ARFGEF3: variants seen among roughly 807,000 people sequenced by gnomAD.
The protein encoded by ARFGEF3 is ARFGEF family member 3.
ARFGEF3 carries 96 observed loss-of-function variants against 221.7 expected under a neutral mutation model. The observed-to-expected ratio is 0.43, with a 90% CI of 0.37 to 0.51. The LOEUF is 0.51. Ranked by LOEUF, ARFGEF3 falls within the 20% of genes least tolerant of loss-of-function variation. The pLI is 0.00. For synonymous variants in ARFGEF3, 1,145 were observed against 1,126.8 expected (o/e 1.02, Z -0.32); for missense variants, 2,410 against 2,789.9 (o/e 0.86, Z 3.07).
chr6:138,321,170 G>C lies in ARFGEF3; in HGVS notation c.4711G>C (p.Ala1571Pro). Residue 1571 changes from alanine to proline, a missense_variant, in exon 29 of 34, where the codon GCC becomes CCC. Physicochemically the swap from Ala to Pro is conservative, Grantham distance 27 (BLOSUM62 -1). Transcript: ENST00000251691. ...GAAGGACCTCTTTGAGTTGCTGGTC[G>C]CCTGTGTGGCCAAGCCCACTGAAAC... ...MLKDLFELLV[A>P]CVAKPTETIS... 1 of 1,564,020 alleles carries C rather than the reference G, an allele frequency of 6.4e-7. No individual in the cohort carries two copies. The highest frequency in any genetic ancestry group is 8.7e-7 in the Non-Finnish European group (1 of 1,152,826).
chr6:138,216,937 GT>G (rs1239170294), intron 4 of ARFGEF3: 1 of 152,218 alleles, frequency 6.6e-6, no homozygotes, highest in African/African-American at 2.4e-5. Flanking sequence ...ATAAGGTTGA[GT>G]GATGAGAATC....
intron 14 of ARFGEF3, among the ~76,000 whole-genome samples, chr6:138,283,735 C>A (rs1436857761): frequency 2.0e-5 from 3 of 152,182 alleles, no homozygotes; most frequent in Non-Finnish European, 4.4e-5. Context: ...ATTCATCAGA[C>A]CTTTACCTAG....
intron 17 of ARFGEF3, among the ~76,000 whole-genome samples, chr6:138,289,239 C>G (rs1465138228): frequency 6.6e-6 from 1 of 152,218 alleles, no homozygotes; most frequent in Non-Finnish European, 1.5e-5. Flanking sequence ...AGATGTGAGC[C>G]ACCACACCCA....
rs766920688 is a variant in ARFGEF3 at position 138,343,098 on chromosome 6, G to A, written c.*6612G>A. ...GTGAAATCATGTTAACTCATATAGA[G>A]GGGGCCTTAGTTTATCTCTTCTTTA... On this transcript the variant is annotated 3_prime_UTR_variant, in exon 34 of 34. Coordinates refer to ENST00000251691, the MANE Select transcript of ARFGEF3 (RefSeq NM_020340.5). 6.6e-6 allele frequency: 1 copy of A among 152,064 alleles called. No individual in the cohort carries two copies. The highest frequency in any genetic ancestry group is 2.4e-5 in the African/African-American group (1 of 41,410). 9.4% of individuals were successfully genotyped at this position (152,064 alleles called of 1,614,324 possible).
chr6:138,318,826 C>T (rs1342474193), intron 27 of ARFGEF3, among the ~76,000 whole-genome samples: 1 of 151,818 alleles, frequency 6.6e-6, no homozygotes, highest in Non-Finnish European at 1.5e-5. Flanking sequence ...GTCTATAAAA[C>T]AAAAAAATTA....
intron 10 of ARFGEF3, among the ~76,000 whole-genome samples, chr6:138,258,122 G>A (rs184620773): frequency 2.0e-5 from 3 of 152,200 alleles, no homozygotes; most frequent in Non-Finnish European, 2.9e-5. Context: ...CATCAAGGCC[G>A]AGTTACTGTG....
intron 20 of ARFGEF3, among the ~76,000 whole-genome samples, chr6:138,294,426 G>A (rs985800247): frequency 5.9e-5 from 9 of 152,196 alleles, no homozygotes; most frequent in African/African-American, 2.2e-4. Flanking sequence ...TCCTTAGGGT[G>A]CAGATAGCTT....
Position 138,319,609 on chromosome 6 carries a change from T to C in ARFGEF3, c.4475-94T>C, listed in dbSNP as rs532616098. The stretch of plus-strand genomic sequence containing the variant: ...TTTCCCTGCACTTTCTCAGCAAATG[T>C]AGGGATCCTTCCAAAGAGATCAACA... On this transcript the variant is annotated intron_variant, in intron 27 of 33. Coordinates refer to ENST00000251691, the MANE Select transcript of ARFGEF3 (RefSeq NM_020340.5). 2.5e-5 allele frequency: 21 copies of C among 835,586 alleles called. No individual in the cohort carries two copies. The South Asian group carries it at 3.8e-4, about 15-fold the overall frequency. 51.8% of individuals were successfully genotyped at this position (835,586 alleles called of 1,614,324 possible).
chr6:138,334,484 T>C lies in ARFGEF3; in HGVS notation c.5638T>C (p.Trp1880Arg). Reference sequence around the variant, plus strand: ...CCCGAGAGGCAAGGAGAAGAGACAGTGGCGGGCACGGATGCCCTTGCTCAG... The same window carrying C: ...CCCGAGAGGCAAGGAGAAGAGACAGCGGCGGGCACGGATGCCCTTGCTCAG... ...SPPRGKEKRQ[W>R]RARMPLLSVQ... The change falls in exon 33 of 34, where the codon TGG becomes CGG. Residue 1880 changes from tryptophan (W) to arginine (R), a missense_variant. Around this residue, in one of 5 missense-constraint regions of ARFGEF3, gnomAD observed 723 missense variants for 991.9 expected, o/e 0.73. Coordinates refer to ENST00000251691, the MANE Select transcript of ARFGEF3 (RefSeq NM_020340.5). The surrounding 1 kb of genome is among the most constrained non-coding windows in gnomAD (Gnocchi z 5.1). 6.3e-7 allele frequency: 1 copy of C among 1,598,040 alleles called. No individual in the cohort carries two copies. Among genetic ancestry groups the C allele is most frequent in the Non-Finnish European group, 8.5e-7 (1 of 1,172,380 alleles).
Position 138,321,249 on chromosome 6 carries a change from T to C in ARFGEF3, c.4766+24T>C, listed in dbSNP as rs369280392. Reference sequence around the variant, plus strand: ...AGGTGAGGAAATGCTTTCCTGACTCTCCACAAAGCTGGAGTTTTTATTTAA... The same window carrying C: ...AGGTGAGGAAATGCTTTCCTGACTCCCCACAAAGCTGGAGTTTTTATTTAA... On this transcript the variant is annotated intron_variant, in intron 29 of 33. Coordinates refer to ENST00000251691, the MANE Select transcript of ARFGEF3 (RefSeq NM_020340.5). The C allele has an allele frequency of 6.6e-4, 811 of 1,222,912 alleles. 1 individual carries two copies. Among genetic ancestry groups the C allele is most frequent in the Non-Finnish European group, 8.6e-4 (750 of 871,452 alleles). The allele number at this position is 1,222,912 out of a possible 1,614,324, so 75.8% of individuals were successfully genotyped here. A position where few individuals can be genotyped will look rare whatever the true frequency, so the allele number is the denominator to read the frequency against.
chr6:138,204,760 A>G (rs533990744), intron 2 of ARFGEF3, among the ~76,000 whole-genome samples: 11 of 152,212 alleles, frequency 7.2e-5, no homozygotes, highest in Non-Finnish European at 1.5e-4. Context: ...TAGTATTTCA[A>G]TTGAGACTGC....
At chr6:138,298,562 GTC>G in intron 21 of ARFGEF3, 42 bp from the exon 22 acceptor site, 1 of 1,538,852 alleles carries the variant, frequency 6.5e-7, no homozygotes, top group African/African-American at 1.4e-5. Context: ...CATTCTCACT[GTC>G]TGCTGTCCTG....
chr6:138,176,532 G>A (rs891062755), intron 2 of ARFGEF3, among the ~76,000 whole-genome samples: 1 of 152,124 alleles, frequency 6.6e-6, no homozygotes, highest in Non-Finnish European at 1.5e-5. Context: ...TTTAAGTGGA[G>A]CATTTAATGC....
rs776346526 is a variant in ARFGEF3, at chr6:138,344,323, C to T, written c.*7837C>T. 12 of 152,128 alleles carry T rather than the reference C, an allele frequency of 7.9e-5. No homozygotes were observed. Among genetic ancestry groups the T allele is most frequent in the Non-Finnish European group, 1.8e-4 (12 of 68,016 alleles). The allele number at this position is 152,128 out of a possible 1,614,324, so 9.4% of individuals were successfully genotyped here. On this transcript the variant is annotated 3_prime_UTR_variant, in exon 34 of 34. Coordinates refer to ENST00000251691, the MANE Select transcript of ARFGEF3 (RefSeq NM_020340.5). ...GGAGCCTTGAAGCATTTTGTTTACT[C>T]CAAAGGCCTTGTCAAGGAAGCATAA... is the stretch of plus-strand genomic sequence containing the variant.
intron 32 of ARFGEF3, among the ~76,000 whole-genome samples, chr6:138,328,654 A>T (rs1476399116): frequency 6.6e-6 from 1 of 152,154 alleles, no homozygotes; most frequent in Non-Finnish European, 1.5e-5. Flanking sequence ...TAGGACTTCA[A>T]CATAGGAATT....
intron 12 of ARFGEF3, among the ~76,000 whole-genome samples, chr6:138,277,883 TAAAAG>T (rs1316566060): frequency 6.6e-6 from 1 of 152,062 alleles, no homozygotes; most frequent in Non-Finnish European, 1.5e-5. Flanking sequence ...ATAATGGAAT[TAAAAG>T]GGAAGGTCTC....
At chr6:138,192,106 A>G (rs567689437) in intron 2 of ARFGEF3, among the ~76,000 whole-genome samples, 1 of 152,276 alleles carries the variant, frequency 6.6e-6, no homozygotes, top group Non-Finnish European at 1.5e-5. Context: ...GGCAATGGAA[A>G]TGTTCCCACC....
intron 22 of ARFGEF3, among the ~76,000 whole-genome samples, chr6:138,299,626 A>G (rs1779593277): frequency 6.6e-6 from 1 of 152,246 alleles, no homozygotes; most frequent in Non-Finnish European, 1.5e-5. Context: ...GGGAAGCCAG[A>G]GAAGTAAGCG....
At chr6:138,288,378 C>G (rs559066503) in intron 17 of ARFGEF3, among the ~76,000 whole-genome samples, 2 of 151,782 alleles carry the variant, frequency 1.3e-5, no homozygotes, top group South Asian at 4.2e-4. Flanking sequence ...GAGTGAGACC[C>G]TATCTCAAAA....
Sources: allele counts gnomAD v4.1 joint callset (sites outside exome capture counted in the v4.1 genomes callset), GRCh38; gene constraint gnomAD v4.1.1; regional missense constraint gnomAD v4.1.1; non-coding constraint Gnocchi (gnomAD v3.1); transcripts MANE v1.5; gene names NCBI Gene and HGNC (gene_info 2026-07-23, HGNC 2026-07-21).